Variants in ADGRV1 observed in about 807,000 individuals in gnomAD.
ADGRV1 encodes G-protein coupled receptor 98.
A neutral mutation model predicts 596.2 loss-of-function variants in ADGRV1; 359 were observed. The ratio of observed to expected loss-of-function variants is 0.60; its 90% CI spans 0.55 to 0.66. The LOEUF (loss-of-function observed/expected upper bound fraction) is 0.66. Among genes scored for constraint, ADGRV1 ranks in the 30% least tolerant of loss-of-function variants. The pLI, the probability that ADGRV1 is intolerant of heterozygous loss-of-function variation, is 0.00. For synonymous variants in ADGRV1, 2,681 were observed against 2,679.2 expected, an observed-to-expected ratio of 1.00 and a Z score of -0.02; for missense variants, 7,274 against 7,575.6, an observed-to-expected ratio of 0.96 and a Z score of 1.48.
In ADGRV1 at chr5:90,752,382, G is replaced by A. The variant is rs1459258145; in HGVS notation, c.11122-1192G>A. Among the ~76,000 whole-genome samples, 3 of 152,206 alleles carry A rather than the reference G, an allele frequency of 2.0e-5. No individual in the cohort carries two copies. The East Asian group carries it at 5.8e-4, about 29-fold the overall frequency. On this transcript the variant is annotated intron_variant, in intron 53 of 89. Coordinates refer to ENST00000405460, the MANE Select transcript of ADGRV1 (RefSeq NM_032119.4). ...TGGTGTCATGGGGTTTTGTTCTACA[G>A]ATCATTTCATCATCCAGGTCTTAAG...
At chr5:90,931,362 A>G (rs571836540) in intron 83 of ADGRV1, 1 of 152,330 alleles carries the variant, frequency 6.6e-6, no homozygotes, top group Admixed American at 6.5e-5. Context: ...GAGTTTTCCA[A>G]AAAGTTAGTC....
chr5:90,707,540 C>T (rs1748765732), intron 38 of ADGRV1, among the ~76,000 whole-genome samples: 1 of 151,924 alleles, frequency 6.6e-6, no homozygotes, highest in Admixed American at 6.6e-5. Context: ...CCTAATATAA[C>T]AGTATAAAAA....
At chr5:91,105,140 A>T in intron 87 of ADGRV1, among the ~76,000 whole-genome samples, 1 of 152,196 alleles carries the variant, frequency 6.6e-6, no homozygotes, top group Admixed American at 6.5e-5. Flanking sequence ...AAGTGCTGGG[A>T]TTATAGGCAT....
chr5:90,661,726 A>G (rs750600491), intron 21 of ADGRV1, among the ~76,000 whole-genome samples: 9 of 152,138 alleles, frequency 5.9e-5, no homozygotes, highest in Non-Finnish European at 8.8e-5. Context: ...CTAGTGAGAA[A>G]CTGTTTGGGG....
intron 86 of ADGRV1, among the ~76,000 whole-genome samples, chr5:91,091,393 A>T (rs539861383): frequency 6.6e-6 from 1 of 152,250 alleles, no homozygotes; most frequent in Admixed American, 6.5e-5. Context: ...TTTACTTTTA[A>T]CTGTAGCATG....
chr5:90,619,151 C>G lies in ADGRV1; in HGVS notation c.423C>G (p.Asp141Glu), dbSNP rs747004600. Reference protein sequence around the residue: ...RTVTVTILSNDNAFGIISFNM... With the variant: ...RTVTVTILSNENAFGIISFNM... The stretch of plus-strand genomic sequence containing the variant: ...TTACTGTGACAATATTATCAAATGA[C>G]AATGCATTTGGAATTATTTCATTTA... The change falls in exon 4 of 90, where the codon GAC becomes GAG. Residue 141 changes from aspartate (D) to glutamate (E), a missense_variant. Physicochemically the swap from Asp to Glu is conservative, Grantham distance 45 (BLOSUM62 2). Around this residue, in one of 5 missense-constraint regions of ADGRV1, gnomAD observed 1,715 missense variants for 1,708.8 expected, o/e 1.00. Coordinates refer to ENST00000405460, the MANE Select transcript of ADGRV1 (RefSeq NM_032119.4). 1 of 1,484,222 alleles carries G rather than the reference C, an allele frequency of 6.7e-7. No individual in the cohort carries two copies. Among genetic ancestry groups the G allele is most frequent in the Non-Finnish European group, 9.0e-7 (1 of 1,105,702 alleles). The allele number at this position is 1,484,222 out of a possible 1,614,324, so 91.9% of individuals were successfully genotyped here. A position where few individuals can be genotyped will look rare whatever the true frequency, so the allele number is the denominator to read the frequency against.
intron 61 of ADGRV1, among the ~76,000 whole-genome samples, chr5:90,777,410 C>A (rs187347808): frequency 7.4e-4 from 113 of 152,196 alleles, no homozygotes; most frequent in African/African-American, 2.7e-3. Context: ...TGATCATAGG[C>A]AAGTTTGTTT....
At chr5:90,681,850 T>TTTCC (rs201876241) in intron 27 of ADGRV1, among the ~76,000 whole-genome samples, 13 of 123,392 alleles carry the variant, frequency 1.1e-4, no homozygotes, top group African/African-American at 2.9e-4. Flanking sequence ...CCCTTCCTTC[T>TTTCC]TTCCTTCCTT....
In ADGRV1 at chr5:90,628,708, A is replaced by G; in HGVS notation, c.1385A>G (p.Gln462Arg). 1 of 1,614,040 alleles carries G rather than the reference A, an allele frequency of 6.2e-7. No homozygotes were observed. The highest frequency in any genetic ancestry group is 8.5e-7 in the Non-Finnish European group (1 of 1,179,906). ...SSGVLHFAQGQMLATIPLTVV... is the reference protein window; with the variant it reads ...SSGVLHFAQGRMLATIPLTVV... ...GGAGTTCTCCATTTTGCACAAGGGC[A>G]GATGTTGGCAACAATTCCTCTTACT... Residue 462 changes from glutamine (Q) to arginine (R), a missense_variant, in exon 8 of 90, where the codon CAG becomes CGG. By Grantham distance (43) the Gln-to-Arg change is conservative. Transcript: ENST00000405460.
chr5:90,753,364 A>C (rs868606429), intron 53 of ADGRV1, among the ~76,000 whole-genome samples: 4 of 152,006 alleles, frequency 2.6e-5, no homozygotes, highest in African/African-American at 9.7e-5. Context: ...TATTAGCTTA[A>C]AGTTTATAAA....
chr5:90,622,355 A>G (rs1764198681), intron 4 of ADGRV1, among the ~76,000 whole-genome samples: 1 of 152,238 alleles, frequency 6.6e-6, no homozygotes, highest in African/African-American at 2.4e-5. Context: ...TTGATGGTAG[A>G]ACCAGGACAA....
chr5:90,783,455 T>G lies in ADGRV1; in HGVS notation c.13433+130T>G, dbSNP rs546492543. On this transcript the variant is annotated intron_variant, in intron 66 of 89. Coordinates refer to ENST00000405460, the MANE Select transcript of ADGRV1 (RefSeq NM_032119.4). ...CATTGGAAAACAACAGGTGAAATAC[T>G]TTTGGGGTACTAGGGGTAGGGAAAG... 84 of 707,382 alleles carry G rather than the reference T, an allele frequency of 1.2e-4. No homozygotes were observed. The African/African-American group carries it at 1.3e-3, about 11-fold the overall frequency. 43.8% of individuals were successfully genotyped at this position (707,382 alleles called of 1,614,324 possible).
intron 21 of ADGRV1, among the ~76,000 whole-genome samples, chr5:90,663,790 T>G (rs1770813405): frequency 6.6e-6 from 1 of 151,942 alleles, no homozygotes; most frequent in South Asian, 2.1e-4. Context: ...GATTTTTGTA[T>G]AAGGTGTAAG....
At chr5:91,019,317 A>G (rs1308867972) in intron 85 of ADGRV1, among the ~76,000 whole-genome samples, 2 of 152,030 alleles carry the variant, frequency 1.3e-5, no homozygotes, top group Non-Finnish European at 2.9e-5. Context: ...CACCATAATT[A>G]GTAAGTAGTA....
chr5:90,970,512 CCT>C (rs1193263504), intron 84 of ADGRV1, among the ~76,000 whole-genome samples: 1 of 149,330 alleles, frequency 6.7e-6, no homozygotes, highest in Non-Finnish European at 1.5e-5. Context: ...GCCGGGTACC[CCT>C]GAGACAAAGC....
At chr5:90,582,562 T>C (rs887935072) in intron 1 of ADGRV1, among the ~76,000 whole-genome samples, 2 of 152,164 alleles carry the variant, frequency 1.3e-5, no homozygotes, top group East Asian at 3.9e-4. Context: ...TCCACTCTTT[T>C]ACTTTGATAA....
In ADGRV1 at chr5:90,710,404, G is replaced by A. The variant is rs1476379468; in HGVS notation, c.8825-577G>A. Among the ~76,000 whole-genome samples the A allele has an allele frequency of 3.3e-5, 5 of 152,220 alleles. No homozygotes were observed. In the East Asian group the frequency reaches 9.6e-4, roughly 29 times the overall value. ...TTTTAAGGTATTGGTAACATACTAA[G>A]TTTGGTGGATAGAATAAAAATAAAA... On this transcript the variant is annotated intron_variant, in intron 39 of 89. Transcript: ENST00000405460.
intron 1 of ADGRV1, among the ~76,000 whole-genome samples, chr5:90,605,689 T>C (rs1294375281): frequency 6.6e-6 from 1 of 152,166 alleles, no homozygotes; most frequent in African/African-American, 2.4e-5. Context: ...AAAATGAACA[T>C]GTCAAGATTT....
chr5:90,661,322 T>TA (rs1770259938), intron 21 of ADGRV1, among the ~76,000 whole-genome samples: 2 of 152,334 alleles, frequency 1.3e-5, no homozygotes, highest in Admixed American at 1.3e-4. Context: ...GTTATATTTA[T>TA]AAACTATGGC....
Sources: gnomAD v4.1 joint callset for allele counts (sites outside exome capture counted in the v4.1 genomes callset) on GRCh38, gnomAD v4.1.1 for gene constraint, gnomAD v4.1.1 regional missense constraint, MANE v1.5 for transcripts, NCBI Gene and HGNC (gene_info 2026-07-23, HGNC 2026-07-21) for gene names.